Variants in ELMO1 observed in about 807,000 individuals in gnomAD.
ELMO1 encodes engulfment and cell motility 1, also known as engulfment and cell motility protein 1.
A neutral mutation model predicts 98.9 loss-of-function variants in ELMO1; 26 were observed. The observed-to-expected ratio is 0.26, with a 90% CI of 0.19 to 0.36. The LOEUF (loss-of-function observed/expected upper bound fraction) is 0.36. Ranked by LOEUF, ELMO1 falls within the 10% of genes least tolerant of loss-of-function variation. ELMO1 has a pLI of 1.00. For missense variants in ELMO1, 627 were observed against 935.2 expected (o/e 0.67, Z 4.30); for synonymous variants, 346 against 346.0 (o/e 1.00, Z 0.00).
intron 2 of ELMO1, among the ~76,000 whole-genome samples, chr7:37,338,540 T>C (rs969344898): frequency 2.6e-5 from 4 of 152,208 alleles, no homozygotes; most frequent in African/African-American, 7.2e-5. Flanking sequence ...TACTTTGTTA[T>C]AGCAGCTGAA....
intron 13 of ELMO1, among the ~76,000 whole-genome samples, chr7:37,144,910 A>G (rs1268754882): frequency 6.6e-6 from 1 of 152,194 alleles, no homozygotes; most frequent in Non-Finnish European, 1.5e-5. Flanking sequence ...GGGAAAATAT[A>G]AGCTCTAAGA....
intron 14 of ELMO1, among the ~76,000 whole-genome samples, chr7:37,115,663 A>T (rs1310873487): frequency 6.6e-6 from 1 of 151,802 alleles, no homozygotes; most frequent in African/African-American, 2.4e-5. Flanking sequence ...GAGAAACTTG[A>T]CTCTGCCCTA....
chr7:37,421,517 C>T (rs1037194906), intron 1 of ELMO1, among the ~76,000 whole-genome samples: 5 of 152,322 alleles, frequency 3.3e-5, no homozygotes, highest in Admixed American at 3.3e-4. Context: ...ACCCCAGATG[C>T]TATAAATCTT....
intron 13 of ELMO1, among the ~76,000 whole-genome samples, chr7:37,189,030 A>C (rs944621055): frequency 6.6e-6 from 1 of 152,222 alleles, no homozygotes; most frequent in African/African-American, 2.4e-5. Context: ...CTGTGCTTCT[A>C]GTGATTAAGC....
chr7:37,044,123 A>C (rs1401368844), intron 15 of ELMO1, among the ~76,000 whole-genome samples: 6 of 152,196 alleles, frequency 3.9e-5, no homozygotes, highest in African/African-American at 1.4e-4. Flanking sequence ...GTACAAAACA[A>C]AATACAGCAA....
intron 6 of ELMO1, among the ~76,000 whole-genome samples, chr7:37,245,473 T>C (rs1794957096): frequency 6.6e-6 from 1 of 152,228 alleles, no homozygotes; most frequent in Non-Finnish European, 1.5e-5. Flanking sequence ...AGACTAAATT[T>C]AGTCTCTGGT....
At chr7:37,293,615 A>G (rs1436794753) in intron 4 of ELMO1, among the ~76,000 whole-genome samples, 2 of 108,016 alleles carry the variant, frequency 1.9e-5, no homozygotes, top group East Asian at 4.3e-4. Context: ...TAGGAAAACC[A>G]GAGACCTTTG....
intron 16 of ELMO1, among the ~76,000 whole-genome samples, chr7:37,007,001 G>GT (rs1322860112): frequency 6.6e-6 from 1 of 151,916 alleles, no homozygotes; most frequent in African/African-American, 2.4e-5. Flanking sequence ...ATGGAAATAG[G>GT]TAACACTATC....
Position 36,870,479 on chromosome 7 carries a change from C to T in ELMO1, c.1823-4G>A. On this transcript the variant is annotated splice_polypyrimidine_tract_variant and splice_region_variant and intron_variant, in intron 19 of 21. Coordinates refer to ENST00000310758, the MANE Select transcript of ELMO1 (RefSeq NM_014800.11). The surrounding 1 kb of genome is among the most constrained non-coding windows in gnomAD (Gnocchi z 4.4). ...GCTTTGATATCTGCCACCGGCACTG[C>T]AATTCATAAAAGAAAATGCAAGTAA... The T allele has an allele frequency of 1.2e-6, 2 of 1,612,780 alleles. No homozygotes were observed. The highest frequency in any genetic ancestry group is 1.1e-5 in the South Asian group (1 of 90,878).
intron 18 of ELMO1, among the ~76,000 whole-genome samples, chr7:36,880,583 T>C (rs1397562887): frequency 6.6e-6 from 1 of 152,192 alleles, no homozygotes; most frequent in African/African-American, 2.4e-5. Context: ...CTCTACTATG[T>C]GTAGCGAAAC....
At chr7:37,192,450 G>A (rs531936783) in intron 13 of ELMO1, among the ~76,000 whole-genome samples, 4 of 146,956 alleles carry the variant, frequency 2.7e-5, no homozygotes, top group South Asian at 2.2e-4. Flanking sequence ...AGCCAAGACC[G>A]TGCCACTGAA....
intron 1 of ELMO1, among the ~76,000 whole-genome samples, chr7:37,361,581 C>A (rs76773570): frequency 6.6e-6 from 1 of 152,166 alleles, no homozygotes; most frequent in Non-Finnish European, 1.5e-5. Flanking sequence ...CCAATCTCTA[C>A]GCTAAATAAA....
intron 13 of ELMO1, among the ~76,000 whole-genome samples, chr7:37,201,754 G>A (rs549359299): frequency 3.9e-5 from 6 of 152,258 alleles, no homozygotes; most frequent in Non-Finnish European, 8.8e-5. Flanking sequence ...CAATGGCTGT[G>A]TGTTTGCGCC....
chr7:37,157,982 G>T (rs1381055048), intron 13 of ELMO1, among the ~76,000 whole-genome samples: 3 of 152,060 alleles, frequency 2.0e-5, no homozygotes, highest in Admixed American at 6.6e-5. Flanking sequence ...ACAGAACAGA[G>T]CCCTCAGAAA....
chr7:37,366,393 G>A (rs542993200), intron 1 of ELMO1, among the ~76,000 whole-genome samples: 33 of 152,152 alleles, frequency 2.2e-4, no homozygotes, highest in African/African-American at 7.7e-4. Flanking sequence ...TTCATCACAC[G>A]TAGGGTCTCT....
Position 36,881,765 on chromosome 7 carries a change from T to C in ELMO1, c.1715-3648A>G, listed in dbSNP as rs149819707. On this transcript the variant is annotated intron_variant, in intron 18 of 21. Transcript: ENST00000310758. ...ATTCCCAATGTCACATAGATTGTTATGGAGCTAATAACCACTGTCAACTGT... is the reference window on the plus strand; with the variant it reads ...ATTCCCAATGTCACATAGATTGTTACGGAGCTAATAACCACTGTCAACTGT... Among the ~76,000 whole-genome samples, 671 of 152,348 alleles carry C rather than the reference T, an allele frequency of 4.4e-3. 4 individuals are homozygous for C. The highest frequency in any genetic ancestry group is 6.9e-3 in the Non-Finnish European group (470 of 68,022).
At chr7:37,001,282 C>T (rs140019446) in intron 16 of ELMO1, among the ~76,000 whole-genome samples, 30 of 152,282 alleles carry the variant, frequency 2.0e-4, no homozygotes, top group African/African-American at 7.2e-4. Flanking sequence ...AATTGAACAA[C>T]GGTGGCCACC....
chr7:36,957,101 A>T (rs1471698638), intron 16 of ELMO1, among the ~76,000 whole-genome samples: 11 of 152,268 alleles, frequency 7.2e-5, no homozygotes, highest in Admixed American at 5.9e-4. Flanking sequence ...CAATGTAAAT[A>T]TGAAGTGCTC....
At chr7:37,368,720 C>T (rs561170660) in intron 1 of ELMO1, among the ~76,000 whole-genome samples, 1 of 152,308 alleles carries the variant, frequency 6.6e-6, no homozygotes, top group South Asian at 2.1e-4. Context: ...CATAAGATGA[C>T]CTTTGCTCAC....
Sources: allele counts gnomAD v4.1 joint callset (sites outside exome capture counted in the v4.1 genomes callset), GRCh38; gene constraint gnomAD v4.1.1; non-coding constraint Gnocchi (gnomAD v3.1); transcripts MANE v1.5; gene names NCBI Gene and HGNC (gene_info 2026-07-23, HGNC 2026-07-21).